Variants in NNT observed in about 807,000 individuals in gnomAD.
The protein encoded by NNT is NAD(P) transhydrogenase, mitochondrial.
NNT carries 50 observed loss-of-function variants against 104.8 expected under a neutral mutation model. The observed-to-expected ratio is 0.48, with a 90% CI of 0.38 to 0.60. The LOEUF is 0.60. NNT is among the 20% of genes least tolerant of loss of function. NNT has a pLI of 0.00. For synonymous variants in NNT, 461 were observed against 490.4 expected, an observed-to-expected ratio of 0.94 and a Z score of 0.79; for missense variants, 1,131 against 1,330.7, an observed-to-expected ratio of 0.85 and a Z score of 2.33.
chr5:43,682,930 G>T (rs1428038718), intron 19 of NNT, among the ~76,000 whole-genome samples: 1 of 152,158 alleles, frequency 6.6e-6, no homozygotes, highest in Non-Finnish European at 1.5e-5. Context: ...TAGGCTTCAA[G>T]ATAATCTGAC....
chr5:43,644,637 C>A lies in NNT; in HGVS notation c.1125C>A (p.Asp375Glu), dbSNP rs756122239. 1.9e-6 allele frequency: 3 copies of A among 1,613,962 alleles called. No individual in the cohort carries two copies. Among genetic ancestry groups the A allele is most frequent in the Non-Finnish European group, 2.5e-6 (3 of 1,179,924 alleles). ...HKGITHIGYT[D>E]LPSRMATQAS... ...GAATTACTCACATAGGCTACACAGA[C>A]CTGCCCAGCCGAATGGCCACTCAGG... is the stretch of plus-strand genomic sequence containing the variant. The change falls in exon 9 of 22, where the codon GAC becomes GAA. Residue 375 changes from aspartate (D) to glutamate (E), a missense_variant. Coordinates refer to ENST00000344920, the MANE Select transcript of NNT (RefSeq NM_182977.3).
At chr5:43,648,194 A>T (rs1398346565) in intron 10 of NNT, 4 of 1,073,736 alleles carry the variant, frequency 3.7e-6, no homozygotes, top group Non-Finnish European at 4.6e-6. Context: ...TAGGAAAATA[A>T]ATTAAAACTA....
chr5:43,697,350 C>T (rs1742611851), intron 19 of NNT, among the ~76,000 whole-genome samples: 1 of 152,144 alleles, frequency 6.6e-6, no homozygotes, highest in African/African-American at 2.4e-5. Flanking sequence ...CATCTGAGAC[C>T]ACCTCAGCCT....
intron 3 of NNT, among the ~76,000 whole-genome samples, chr5:43,614,865 C>T (rs1420783515): frequency 6.6e-5 from 10 of 152,202 alleles, no homozygotes; most frequent in Non-Finnish European, 1.3e-4. Flanking sequence ...TGGCCGGGCG[C>T]AGTGGCTCAC....
chr5:43,621,136 C>T (rs1006086033), intron 5 of NNT, among the ~76,000 whole-genome samples: 2 of 152,186 alleles, frequency 1.3e-5, no homozygotes, highest in African/African-American at 4.8e-5. Flanking sequence ...GGGTTCTTAC[C>T]TGTCTAGAAC....
chr5:43,624,621 A>T (rs1009929867), intron 6 of NNT, among the ~76,000 whole-genome samples: 1 of 152,172 alleles, frequency 6.6e-6, no homozygotes, highest in African/African-American at 2.4e-5. Context: ...TATTTTTCTG[A>T]TAATTTTTGA....
At position 43,628,339 on chromosome 5, in the gene NNT, C is replaced by G. The variant is rs370027025; in HGVS notation, c.916C>G (p.Gln306Glu). Reference sequence around the variant, plus strand: ...TGAAGCTGAAATGAAACTCTTTGCTCAACAATGCAAGGAGGTAGACATCCT... The same window carrying G: ...TGAAGCTGAAATGAAACTCTTTGCTGAACAATGCAAGGAGGTAGACATCCT... Reference protein sequence around the residue: ...FIEAEMKLFAQQCKEVDILIS... With the variant: ...FIEAEMKLFAEQCKEVDILIS... Residue 306 changes from glutamine to glutamate, a missense_variant, in exon 7 of 22, where the codon CAA becomes GAA. By Grantham distance (29) the Gln-to-Glu change is conservative. Coordinates refer to ENST00000344920, the MANE Select transcript of NNT (RefSeq NM_182977.3). The G allele has an allele frequency of 2.9e-5, 46 of 1,613,312 alleles. No individual in the cohort carries two copies. Among genetic ancestry groups the G allele is most frequent in the Non-Finnish European group, 3.6e-5 (42 of 1,179,796 alleles).
intron 17 of NNT, among the ~76,000 whole-genome samples, chr5:43,673,717 T>G (rs1741256502): frequency 6.6e-6 from 1 of 152,158 alleles, no homozygotes; most frequent in South Asian, 2.1e-4. Flanking sequence ...GATTGTGAAC[T>G]TAATTAAAAG....
intron 17 of NNT, among the ~76,000 whole-genome samples, chr5:43,668,846 A>C (rs1426947126): frequency 1.3e-5 from 2 of 152,202 alleles, no homozygotes; most frequent in African/African-American, 4.8e-5. Flanking sequence ...TGGGGATGGC[A>C]TTGAATCTAT....
intron 17 of NNT, among the ~76,000 whole-genome samples, chr5:43,671,336 C>T (rs1215952579): frequency 1.3e-5 from 2 of 152,120 alleles, no homozygotes; most frequent in Non-Finnish European, 2.9e-5. Flanking sequence ...ATGATGTTAG[C>T]TGGTTATTTT....
chr5:43,657,268 T>A (rs1174151867), intron 16 of NNT, among the ~76,000 whole-genome samples: 2 of 152,210 alleles, frequency 1.3e-5, no homozygotes, highest in African/African-American at 4.8e-5. Flanking sequence ...GAAATGCAGT[T>A]AAAAAACCCT....
chr5:43,671,612 C>T (rs1022873329), intron 17 of NNT, among the ~76,000 whole-genome samples: 2 of 152,164 alleles, frequency 1.3e-5, no homozygotes, highest in African/African-American at 2.4e-5. Flanking sequence ...AATATTGGCC[C>T]CCACTCTCTT....
intron 7 of NNT, among the ~76,000 whole-genome samples, chr5:43,630,882 G>T (rs1486631817): frequency 1.3e-5 from 2 of 152,170 alleles, no homozygotes; most frequent in Non-Finnish European, 2.9e-5. Context: ...TAGTGAAGGA[G>T]CCTCACTTTC....
Position 43,616,062 on chromosome 5 carries a change from C to T in NNT, c.596C>T (p.Ala199Val), listed in dbSNP as rs199621743. Residue 199 changes from alanine (A) to valine (V), a missense_variant, in exon 4 of 22, where the codon GCG becomes GTG. Coordinates refer to ENST00000344920, the MANE Select transcript of NNT (RefSeq NM_182977.3). ...GCGCTAAGCTCCATGGCCAACATTG[C>T]GGGGTAGGTTCTTTTCCATTTCAAT... ...YDALSSMANIAGYKAVVLAAN... is the reference protein window; with the variant it reads ...YDALSSMANIVGYKAVVLAAN... 3.9e-5 allele frequency: 63 copies of T among 1,612,340 alleles called. No homozygotes were observed. Among genetic ancestry groups the T allele is most frequent in the East Asian group, 4.5e-5 (2 of 44,868 alleles).
chr5:43,641,385 A>G (rs1288443223), intron 7 of NNT, among the ~76,000 whole-genome samples: 1 of 152,172 alleles, frequency 6.6e-6, no homozygotes, highest in Admixed American at 6.6e-5. Flanking sequence ...CTGCACTGTT[A>G]CATTCATGAC....
chr5:43,685,485 A>T (rs1016521252), intron 19 of NNT, among the ~76,000 whole-genome samples: 7 of 152,104 alleles, frequency 4.6e-5, no homozygotes, highest in African/African-American at 1.7e-4. Flanking sequence ...TAAAGAGCTT[A>T]TTTTTTTTAA....
At chr5:43,610,480 G>A (rs1405601283) in intron 2 of NNT, among the ~76,000 whole-genome samples, 3 of 152,118 alleles carry the variant, frequency 2.0e-5, no homozygotes, top group Non-Finnish European at 4.4e-5. Flanking sequence ...GCTAAAAATG[G>A]CATTTTCTTA....
chr5:43,623,203 G>A (rs1750185140), intron 5 of NNT, among the ~76,000 whole-genome samples: 1 of 152,156 alleles, frequency 6.6e-6, no homozygotes, highest in Admixed American at 6.5e-5. Flanking sequence ...GGACATGTGG[G>A]CATGATGGGT....
At chr5:43,642,452 G>A (rs1261509130) in intron 7 of NNT, among the ~76,000 whole-genome samples, 1 of 152,166 alleles carries the variant, frequency 6.6e-6, no homozygotes, top group African/African-American at 2.4e-5. Flanking sequence ...GGAGGGTAGA[G>A]GAAAGGAATA....
Sources: gnomAD v4.1 joint callset for allele counts (sites outside exome capture counted in the v4.1 genomes callset) on GRCh38, gnomAD v4.1.1 for gene constraint, MANE v1.5 for transcripts, NCBI Gene and HGNC (gene_info 2026-07-23, HGNC 2026-07-21) for gene names.